Variants in ZNF609 observed in about 807,000 individuals in gnomAD.
The protein encoded by ZNF609 is zinc finger protein 609.
In ZNF609, 11 loss-of-function variants were observed where a neutral mutation model predicts 109.5. The observed-to-expected ratio is 0.10, with a 90% CI of 0.06 to 0.17. The LOEUF is 0.17. Among genes scored for constraint, ZNF609 ranks in the 10% least tolerant of loss-of-function variants. The pLI is 1.00. For synonymous variants in ZNF609, 646 were observed against 662.0 expected (o/e 0.98, Z 0.37); for missense variants, 1,559 against 1,772.4 (o/e 0.88, Z 2.16).
intron 2 of ZNF609, among the ~76,000 whole-genome samples, chr15:64,522,094 G>A (rs673931): frequency 0.78 from 118,908 of 152,160 alleles, 48,452 homozygotes; most frequent in East Asian, 0.96. Flanking sequence ...TAATGCCCCC[G>A]GGGCAAACTC....
At chr15:64,595,719 G>A (rs1199423398) in intron 2 of ZNF609, among the ~76,000 whole-genome samples, 4 of 152,072 alleles carry the variant, frequency 2.6e-5, no homozygotes, top group African/African-American at 9.7e-5. Flanking sequence ...TAAAAAACTG[G>A]GACTAAAACC....
intron 2 of ZNF609, among the ~76,000 whole-genome samples, chr15:64,600,278 G>T (rs1004529255): frequency 6.6e-6 from 1 of 151,740 alleles, no homozygotes; most frequent in Non-Finnish European, 1.5e-5. Context: ...GTGAAACCCT[G>T]TCTCTACTAA....
At chr15:64,620,686 G>A (rs1037371299) in intron 2 of ZNF609, among the ~76,000 whole-genome samples, 2 of 152,128 alleles carry the variant, frequency 1.3e-5, no homozygotes, top group African/African-American at 4.8e-5. Flanking sequence ...GGATGTTTTG[G>A]CAGCTCTTCA....
Position 64,674,827 on chromosome 15 carries a change from C to G in ZNF609, c.1973C>G (p.Pro658Arg), listed in dbSNP as rs142077559. Reference protein sequence around the residue: ...IPSKSLKSARPIAPAIPPQQI... With the variant: ...IPSKSLKSARRIAPAIPPQQI... ...TCCAAGAGCCTAAAGTCAGCCCGTC[C>G]CATTGCCCCTGCCATCCCCCCACAG... The change falls in exon 5 of 10, where the codon CCC becomes CGC. Residue 658 changes from proline to arginine, a missense_variant. By Grantham distance (103) the Pro-to-Arg change is moderately radical. Transcript: ENST00000326648. 1 of 1,614,038 alleles carries G rather than the reference C, an allele frequency of 6.2e-7. No homozygotes were observed. Among genetic ancestry groups the G allele is most frequent in the Non-Finnish European group, 8.5e-7 (1 of 1,180,036 alleles).
intron 2 of ZNF609, among the ~76,000 whole-genome samples, chr15:64,564,267 G>A (rs1224558980): frequency 6.6e-6 from 1 of 152,030 alleles, no homozygotes; most frequent in African/African-American, 2.4e-5. Context: ...GGTACCCACC[G>A]GGGGTCTTGG....
At chr15:64,512,015 CT>C (rs148243060) in intron 2 of ZNF609, among the ~76,000 whole-genome samples, 224 of 145,112 alleles carry the variant, frequency 1.5e-3, no homozygotes, top group Non-Finnish European at 1.5e-3. Flanking sequence ...ACCCTGCCTA[CT>C]TTTTTTTTTT....
At chr15:64,622,773 T>C (rs1895896333) in intron 2 of ZNF609, 54 bp from the exon 3 acceptor site, 1 of 1,454,224 alleles carries the variant, frequency 6.9e-7, no homozygotes, top group African/African-American at 1.4e-5. Flanking sequence ...GAAAAGGTAT[T>C]TCCTCTAAAT....
At chr15:64,499,240 G>A (rs146947211) in intron 1 of ZNF609, 53 bp from the exon 2 acceptor site, 191 of 715,856 alleles carry the variant, frequency 2.7e-4, no homozygotes, top group Middle Eastern at 4.1e-4. Context: ...TATTTCAGGC[G>A]TCTCTTGCCT....
intron 6 of ZNF609, among the ~76,000 whole-genome samples, 165 bp from the exon 7 acceptor site, chr15:64,680,020 G>T (rs761759706): frequency 2.0e-5 from 3 of 152,164 alleles, no homozygotes; most frequent in African/African-American, 7.2e-5. Flanking sequence ...TTCCTGTAGA[G>T]CTCAGTAAAG....
At position 64,556,556 on chromosome 15, in the gene ZNF609, G is replaced by C. The variant is rs186177737; in HGVS notation, c.747+56390G>C. On this transcript the variant is annotated intron_variant, in intron 2 of 9. Coordinates refer to ENST00000326648, the MANE Select transcript of ZNF609 (RefSeq NM_015042.2). ...TTATAGATGAAGAAACCAAATGAAA[G>C]GTTAAATAAGTGATCAGTTTCCCAA... 8.6e-4 allele frequency among the ~76,000 whole-genome samples: 131 copies of C among 152,204 alleles called. 1 individual carries two copies. The highest frequency in any genetic ancestry group is 3.0e-3 in the African/African-American group (123 of 41,530).
chr15:64,589,874 TCG>T (rs1292950317), intron 2 of ZNF609, among the ~76,000 whole-genome samples: 1 of 152,226 alleles, frequency 6.6e-6, no homozygotes, highest in African/African-American at 2.4e-5. Context: ...CAGGAAAAAC[TCG>T]ATGCTTTTGG....
At chr15:64,615,487 C>A (rs550370772) in intron 2 of ZNF609, among the ~76,000 whole-genome samples, 11 of 149,776 alleles carry the variant, frequency 7.3e-5, no homozygotes, top group Admixed American at 6.6e-4. Context: ...TTGATGACAT[C>A]CTTTTTTTTT....
chr15:64,473,266 T>C (rs1044275506), intron 1 of ZNF609, among the ~76,000 whole-genome samples: 15 of 146,936 alleles, frequency 1.0e-4, no homozygotes, highest in Non-Finnish European at 1.9e-4. Flanking sequence ...TGGTGTGGTC[T>C]CGGCTCACTG....
At chr15:64,673,647 T>C (rs528464431) in intron 4 of ZNF609, among the ~76,000 whole-genome samples, 1 of 152,346 alleles carries the variant, frequency 6.6e-6, no homozygotes, top group Non-Finnish European at 1.5e-5. Context: ...AAACCATGAC[T>C]ATGGCTGTAT....
intron 2 of ZNF609, among the ~76,000 whole-genome samples, chr15:64,541,369 GT>G (rs1195193183): frequency 2.0e-5 from 3 of 149,288 alleles, no homozygotes; most frequent in Non-Finnish European, 1.5e-5. Flanking sequence ...GGAGCTCGCA[GT>G]GAGCCGAGAT....
chr15:64,474,097 G>A (rs972932548), intron 1 of ZNF609, among the ~76,000 whole-genome samples: 3 of 151,548 alleles, frequency 2.0e-5, no homozygotes, highest in Non-Finnish European at 4.4e-5. Context: ...TAGTAGAGAC[G>A]GGGTTTCACC....
intron 2 of ZNF609, among the ~76,000 whole-genome samples, chr15:64,527,678 A>G (rs1231480479): frequency 6.6e-6 from 1 of 152,166 alleles, no homozygotes; most frequent in African/African-American, 2.4e-5. Flanking sequence ...TCCTTTCTCC[A>G]GTACTTTCTC....
At chr15:64,492,023 C>T (rs1893420065) in intron 1 of ZNF609, among the ~76,000 whole-genome samples, 1 of 152,094 alleles carries the variant, frequency 6.6e-6, no homozygotes, top group African/African-American at 2.4e-5. Flanking sequence ...AGGCAGATCA[C>T]CTGAGATCAG....
At chr15:64,676,929 A>G (rs911810914) in intron 5 of ZNF609, among the ~76,000 whole-genome samples, 3 of 150,460 alleles carry the variant, frequency 2.0e-5, no homozygotes, top group Non-Finnish European at 4.4e-5. Flanking sequence ...AATTTTTTGT[A>G]TTTTTAGTAG....
Sources: gnomAD v4.1 joint callset for allele counts (sites outside exome capture counted in the v4.1 genomes callset) on GRCh38, gnomAD v4.1.1 for gene constraint, MANE v1.5 for transcripts, NCBI Gene and HGNC (gene_info 2026-07-23, HGNC 2026-07-21) for gene names.